ZNF8: variants seen among roughly 807,000 people sequenced by gnomAD.
ZNF8 encodes zinc finger protein 8, also known as zinc finger protein 272.
In ZNF8, 9 loss-of-function variants were observed where a neutral mutation model predicts 12.2. That is an observed-to-expected ratio of 0.73 (90% CI 0.44 to 1.28). The LOEUF (loss-of-function observed/expected upper bound fraction) is 1.28. ZNF8 is among the 50% of genes most tolerant of loss of function. The probability of loss-of-function intolerance (pLI) is 0.00; values close to 1 mark genes in which losing one functional copy is unlikely to be tolerated. For missense variants in ZNF8, 664 were observed against 729.1 expected, an observed-to-expected ratio of 0.91 and a Z score of 1.03; for synonymous variants, 274 against 282.3, an observed-to-expected ratio of 0.97 and a Z score of 0.30.
intron 3 of ZNF8, 178 bp downstream of exon 3, chr19:58,286,383 G>A: frequency 5.5e-6 from 3 of 548,256 alleles, no homozygotes; most frequent in Non-Finnish European, 9.8e-6. Context: ...CAACAAAGGG[G>A]AAAGGCGCGT....
At position 58,302,736 on chromosome 19, in the gene ZNF8, A is replaced by G. The variant is rs2051498021; in HGVS notation, c.*7200A>G. ...GTTTATCAGCCACTATCTAAATTACACATACATAAACCCTTTGTCTAAGCA... is the reference window on the plus strand; with the variant it reads ...GTTTATCAGCCACTATCTAAATTACGCATACATAAACCCTTTGTCTAAGCA... On this transcript the variant is annotated 3_prime_UTR_variant, in exon 4 of 4. Transcript: ENST00000621650. The G allele has an allele frequency of 6.6e-6, 1 of 152,246 alleles. No individual in the cohort carries two copies. Among genetic ancestry groups the G allele is most frequent in the African/African-American group, 2.4e-5 (1 of 41,452 alleles). The allele number at this position is 152,246 out of a possible 1,614,324, so 9.4% of individuals were successfully genotyped here. A position where few individuals can be genotyped will look rare whatever the true frequency, so the allele number is the denominator to read the frequency against.
intron 1 of ZNF8, among the ~76,000 whole-genome samples, chr19:58,283,196 T>G (rs1197642119): frequency 6.6e-6 from 1 of 151,964 alleles, no homozygotes. Context: ...AGTCTTGATC[T>G]CCTGGACTCG....
Position 58,285,839 on chromosome 19 carries a change from C to T in ZNF8, c.189C>T (p.Ser63=). 1 of 1,610,190 alleles carries T rather than the reference C, an allele frequency of 6.2e-7. No individual in the cohort carries two copies. Among genetic ancestry groups the T allele is most frequent in the Non-Finnish European group, 8.5e-7 (1 of 1,177,774 alleles). Residue 63 remains serine, a synonymous_variant, in exon 2 of 4, where the codon TCC becomes TCT. Coordinates refer to ENST00000621650, the MANE Select transcript of ZNF8 (RefSeq NM_021089.3). ...VMLETFGHLL[S]IGPELPKPEV... ...TGGAGACCTTTGGTCACCTGCTCTC[C>T]ATAGGTAAGCCCTGCTTCGCAAGGT...
rs780066574 is a variant in ZNF8 at position 58,295,160 on chromosome 19, A to G, written c.1352A>G (p.Asp451Gly). 1.2e-6 allele frequency: 2 copies of G among 1,614,024 alleles called. No homozygotes were observed. Among genetic ancestry groups the G allele is most frequent in the South Asian group, 2.2e-5 (2 of 91,086 alleles). Residue 451 changes from aspartate (D) to glycine (G), a missense_variant, in exon 4 of 4, where the codon GAC becomes GGC. By Grantham distance (94) the Asp-to-Gly change is moderately conservative. Transcript: ENST00000621650. ...GAATGGACAGAAGCCCTGGGCTGTG[A>G]CCCACCTTTGAGTCAAGATGAGAGG... ...KHEWTEALGC[D>G]PPLSQDERTH...
chr19:58,282,040 G>C (rs112902703), intron 1 of ZNF8, among the ~76,000 whole-genome samples: 474 of 152,314 alleles, frequency 3.1e-3, no homozygotes, highest in African/African-American at 0.01. Flanking sequence ...ATGAACCAGG[G>C]AGATGGAGGT....
At chr19:58,287,133 T>C (rs1298598931) in intron 3 of ZNF8, among the ~76,000 whole-genome samples, 1 of 152,050 alleles carries the variant, frequency 6.6e-6, no homozygotes, top group Non-Finnish European at 1.5e-5. Context: ...TTGACCTCCC[T>C]AGTTCAAATG....
intron 3 of ZNF8, among the ~76,000 whole-genome samples, chr19:58,287,014 T>G (rs1424168836): frequency 2.0e-5 from 3 of 152,186 alleles, no homozygotes; most frequent in Non-Finnish European, 4.4e-5. Context: ...TCTTCTCCAT[T>G]TCATTCTTGC....
At position 58,295,340 on chromosome 19, in the gene ZNF8, A is replaced by C; in HGVS notation, c.1532A>C (p.His511Pro). The C allele has an allele frequency of 6.2e-7, 1 of 1,614,166 alleles. No homozygotes were observed. ...RREQSSSRNS[H>P]LVQHQHPNSR... ...GAACAATCCTCGAGCAGGAACTCAC[A>C]CCTGGTTCAGCATCAACACCCGAAC... The change falls in exon 4 of 4, where the codon CAC becomes CCC. Residue 511 changes from histidine to proline, a missense_variant. Coordinates refer to ENST00000621650, the MANE Select transcript of ZNF8 (RefSeq NM_021089.3).
intron 1 of ZNF8, among the ~76,000 whole-genome samples, chr19:58,280,971 G>T (rs2051347644): frequency 6.6e-6 from 1 of 152,102 alleles, no homozygotes; most frequent in Non-Finnish European, 1.5e-5. Context: ...GGGCCCACCT[G>T]GATAATCCAG....
chr19:58,287,052 G>A (rs915021853), intron 3 of ZNF8, among the ~76,000 whole-genome samples: 4 of 151,964 alleles, frequency 2.6e-5, no homozygotes, highest in Admixed American at 6.6e-5. Context: ...GTTTTGTTTT[G>A]TTTTTAAGAC....
chr19:58,282,119 A>C (rs1225958838), intron 1 of ZNF8, among the ~76,000 whole-genome samples: 2 of 150,236 alleles, frequency 1.3e-5, no homozygotes, highest in Non-Finnish European at 3.0e-5. Context: ...TCTCAAAATA[A>C]AAAATAAAAA....
intron 3 of ZNF8, among the ~76,000 whole-genome samples, chr19:58,289,269 A>G (rs903533029): frequency 3.9e-5 from 6 of 152,122 alleles, no homozygotes; most frequent in Admixed American, 1.3e-4. Context: ...GCCAGGGCAG[A>G]CGGATCACTT....
intron 3 of ZNF8, among the ~76,000 whole-genome samples, chr19:58,289,892 G>T (rs924990550): frequency 6.6e-6 from 1 of 151,688 alleles, no homozygotes; most frequent in Non-Finnish European, 1.5e-5. Context: ...CGCCTTCCCA[G>T]GTTCAAGCGA....
chr19:58,294,436 T>G lies in ZNF8; in HGVS notation c.628T>G (p.Ser210Ala), dbSNP rs1386537640. 2.5e-6 allele frequency: 4 copies of G among 1,613,842 alleles called. No individual in the cohort carries two copies. In the Admixed American group the frequency reaches 6.7e-5, roughly 27 times the overall value. ...LYTYDSQITD[S>A]EHNSSLVSQQ... ...TACTTACGACTCACAGATTACAGAC[T>G]CAGAACATAACTCCAGCTTAGTCAG... The change falls in exon 4 of 4, where the codon TCA (serine) becomes GCA (alanine). Residue 210 changes from serine (S) to alanine (A), a missense_variant. This residue lies in a region of ZNF8 where 306 missense variants were observed against 308.7 expected (regional missense o/e 0.99). Coordinates refer to ENST00000621650, the MANE Select transcript of ZNF8 (RefSeq NM_021089.3). The surrounding 1 kb of genome is among the most constrained non-coding windows in gnomAD (Gnocchi z 5.5).
At chr19:58,280,025 TTTG>T (rs2051339551) in intron 1 of ZNF8, 6 of 450,460 alleles carry the variant, frequency 1.3e-5, no homozygotes, top group Non-Finnish European at 1.8e-5. Context: ...CACGTTTTAT[TTTG>T]TTCTTGCTGT....
In ZNF8 at chr19:58,295,356, A is replaced by G; in HGVS notation, c.1548A>G (p.Gln516=). 6.2e-7 allele frequency: 1 copy of G among 1,614,188 alleles called. No homozygotes were observed. Among genetic ancestry groups the G allele is most frequent in the South Asian group, 1.1e-5 (1 of 91,082 alleles). Residue 516 remains glutamine, a synonymous_variant, in exon 4 of 4, where the codon CAA becomes CAG. Coordinates refer to ENST00000621650, the MANE Select transcript of ZNF8 (RefSeq NM_021089.3). ...GGAACTCACACCTGGTTCAGCATCA[A>G]CACCCGAACTCCAGAAAGAGCTCTG... ...SSRNSHLVQH[Q]HPNSRKSSAG...
chr19:58,279,536 G>C lies in ZNF8; in HGVS notation c.66+389G>C, dbSNP rs1329815882. ...GTAGCGTTGGCCGGGTGCCCAGATGGCAAGAATCATCGAATAGAGATGCTT... is the reference window on the plus strand; with the variant it reads ...GTAGCGTTGGCCGGGTGCCCAGATGCCAAGAATCATCGAATAGAGATGCTT... On this transcript the variant is annotated intron_variant, in intron 1 of 3. Coordinates refer to ENST00000621650, the MANE Select transcript of ZNF8 (RefSeq NM_021089.3). 2.6e-6 allele frequency: 4 copies of C among 1,509,706 alleles called. No homozygotes were observed. The Admixed American group carries it at 8.4e-5, about 32-fold the overall frequency. 93.5% of individuals were successfully genotyped at this position (1,509,706 alleles called of 1,614,324 possible). A position where few individuals can be genotyped will look rare whatever the true frequency, so the allele number is the denominator to read the frequency against.
rs777476820 is a variant in ZNF8 at position 58,295,321 on chromosome 19, T to C, written c.1513T>C (p.Ser505Pro). 6.2e-7 allele frequency: 1 copy of C among 1,614,088 alleles called. No individual in the cohort carries two copies. Among genetic ancestry groups the C allele is most frequent in the Admixed American group, 1.7e-5 (1 of 60,018 alleles). The change falls in exon 4 of 4, where the codon TCC (serine) becomes CCC (proline). Residue 505 changes from serine (S) to proline (P), a missense_variant. Transcript: ENST00000621650. ...PHGRSRRREQ[S>P]SSRNSHLVQH... The stretch of plus-strand genomic sequence containing the variant: ...TGGGCGAAGCCGGCGGCGTGAACAA[T>C]CCTCGAGCAGGAACTCACACCTGGT...
At chr19:58,279,636 C>T (rs1330130597) in intron 1 of ZNF8, 1 of 1,534,334 alleles carries the variant, frequency 6.5e-7, no homozygotes, top group Non-Finnish European at 8.7e-7. Flanking sequence ...TGGGCACAAC[C>T]TCTTGGGGGC....
Sources: allele counts gnomAD v4.1 joint callset (sites outside exome capture counted in the v4.1 genomes callset), GRCh38; gene constraint gnomAD v4.1.1; regional missense constraint gnomAD v4.1.1; non-coding constraint Gnocchi (gnomAD v3.1); transcripts MANE v1.5; gene names NCBI Gene and HGNC (gene_info 2026-07-23, HGNC 2026-07-21).